The following HELQ variants were observed in gnomAD, a reference collection of about 807,000 sequenced individuals.
The protein encoded by HELQ is helicase POLQ-like.
HELQ carries 77 observed loss-of-function variants against 111.6 expected under a neutral mutation model. That is an observed-to-expected ratio of 0.69 (90% CI 0.57 to 0.83). The LOEUF (loss-of-function observed/expected upper bound fraction) is 0.83, where lower values mean the gene tolerates loss of function less well. Among genes scored for constraint, HELQ ranks in the 40% least tolerant of loss-of-function variants. HELQ has a pLI of 0.00. For synonymous variants in HELQ, 438 were observed against 454.7 expected (o/e 0.96, Z 0.47); for missense variants, 1,200 against 1,288.5 (o/e 0.93, Z 1.05).
chr4:83,416,465 C>T (rs2109966426), intron 17 of HELQ, among the ~76,000 whole-genome samples: 1 of 151,906 alleles, frequency 6.6e-6, no homozygotes, highest in East Asian at 1.9e-4. Flanking sequence ...AAGCCATCCT[C>T]CCCATCTTGA....
Position 83,447,128 on chromosome 4 carries a change from A to G in HELQ, c.1192-93T>C, listed in dbSNP as rs934930934. On this transcript the variant is annotated intron_variant, in intron 3 of 17. Transcript: ENST00000295488. The stretch of plus-strand genomic sequence containing the variant: ...CTTGGGAGGCTGAGGCGGGAAGATC[A>G]CTTGAGCCCAGGAAGGTGAGACCAG... The G allele has an allele frequency of 1.0e-5, 8 of 802,132 alleles. No individual in the cohort carries two copies. In the East Asian group the frequency reaches 2.1e-4, roughly 21 times the overall value. The allele number at this position is 802,132 out of a possible 1,614,324, so 49.7% of individuals were successfully genotyped here.
chr4:83,445,829 G>A (rs1215427677), intron 5 of HELQ, among the ~76,000 whole-genome samples, 185 bp downstream of exon 5: 1 of 152,246 alleles, frequency 6.6e-6, no homozygotes, highest in Non-Finnish European at 1.5e-5. Context: ...GATAATAATA[G>A]AGGACTTCTT....
chr4:83,442,733 T>C (rs1720842483), intron 6 of HELQ, among the ~76,000 whole-genome samples: 2 of 151,920 alleles, frequency 1.3e-5, no homozygotes, highest in South Asian at 4.2e-4. Flanking sequence ...TAATTTTTTG[T>C]AGAGACAGGG....
intron 9 of HELQ, among the ~76,000 whole-genome samples, chr4:83,435,081 T>C (rs1720379746): frequency 1.3e-5 from 2 of 152,226 alleles, no homozygotes; most frequent in Non-Finnish European, 2.9e-5. Context: ...AACTCATTTG[T>C]TGGAAAATGA....
rs1168047803 is a variant in HELQ at position 83,418,242 on chromosome 4, T to C, written c.2950-36A>G. ...CAAAGAAATATATAAAATTTAAATTTTGTAAGTTATTTCAAAGTTTGGTTT... is the reference window on the plus strand; with the variant it reads ...CAAAGAAATATATAAAATTTAAATTCTGTAAGTTATTTCAAAGTTTGGTTT... On this transcript the variant is annotated intron_variant, in intron 15 of 17. Transcript: ENST00000295488. 8.1e-6 allele frequency: 10 copies of C among 1,236,828 alleles called. No individual in the cohort carries two copies. The South Asian group carries it at 1.4e-4, about 17-fold the overall frequency. The allele number at this position is 1,236,828 out of a possible 1,614,324, so 76.6% of individuals were successfully genotyped here. A position where few individuals can be genotyped will look rare whatever the true frequency, so the allele number is the denominator to read the frequency against.
At chr4:83,419,596 TAG>T (rs1739554264) in intron 15 of HELQ, among the ~76,000 whole-genome samples, 1 of 151,444 alleles carries the variant, frequency 6.6e-6, no homozygotes, top group African/African-American at 2.4e-5. Context: ...TGATGCTTCA[TAG>T]AGTTTTTTAC....
rs984553250 is a variant in HELQ at position 83,437,998 on chromosome 4, T to C, written c.1809-901A>G. On this transcript the variant is annotated intron_variant, in intron 8 of 17. Transcript: ENST00000295488. Reference sequence around the variant, plus strand: ...AAATGAATGATTTACTGAGAATTTTTTTAATGATAATTTAATTTCCTTAAG... The same window carrying C: ...AAATGAATGATTTACTGAGAATTTTCTTAATGATAATTTAATTTCCTTAAG... Among the ~76,000 whole-genome samples the C allele has an allele frequency of 3.8e-4, 58 of 152,244 alleles. 1 individual carries two copies. The highest frequency in any genetic ancestry group is 1.3e-3 in the African/African-American group (54 of 41,470).
chr4:83,425,085 G>A (rs919350338), intron 14 of HELQ, among the ~76,000 whole-genome samples: 2 of 151,752 alleles, frequency 1.3e-5, no homozygotes, highest in African/African-American at 4.8e-5. Context: ...TTTGAGACCA[G>A]CCTGGCCAAC....
chr4:83,425,613 A>C (rs1318604890), intron 14 of HELQ, among the ~76,000 whole-genome samples: 2 of 152,202 alleles, frequency 1.3e-5, no homozygotes, highest in African/African-American at 2.4e-5. Flanking sequence ...TGAGGATGAC[A>C]AAAGCAGTAA....
chr4:83,439,856 AAC>A lies in HELQ; in HGVS notation c.1808+5_1808+6del, dbSNP rs769774061. 2.6e-5 allele frequency: 40 copies of A among 1,542,606 alleles called. No individual in the cohort carries two copies. Among genetic ancestry groups the A allele is most frequent in the Non-Finnish European group, 3.5e-5 (39 of 1,122,228 alleles). Reference sequence around the variant, plus strand: ...TAAAACAGGCTATTTAAAAAATATTAACATACTTGCTTAAAAATTTGCATATC... The same window carrying A: ...TAAAACAGGCTATTTAAAAAATATTAATACTTGCTTAAAAATTTGCATATC... On this transcript the variant is annotated splice_donor_5th_base_variant and intron_variant, in intron 8 of 17. Transcript: ENST00000295488.
At chr4:83,443,445 T>A (rs1578097337) in intron 6 of HELQ, 72 bp downstream of exon 6, 3 of 685,144 alleles carry the variant, frequency 4.4e-6, no homozygotes, top group Non-Finnish European at 7.5e-6. Flanking sequence ...TTAAATCCTA[T>A]GTTTACTACT....
At chr4:83,440,422 T>C (rs537598811) in intron 7 of HELQ, among the ~76,000 whole-genome samples, 2 of 152,222 alleles carry the variant, frequency 1.3e-5, no homozygotes, top group African/African-American at 4.8e-5. Flanking sequence ...TTTACAACCA[T>C]TAAGTTTTCA....
At chr4:83,419,474 AT>A in intron 15 of HELQ, among the ~76,000 whole-genome samples, 1 of 148,318 alleles carries the variant, frequency 6.7e-6, no homozygotes, top group East Asian at 1.9e-4. Flanking sequence ...ATATATTTAT[AT>A]TATATGTAAT....
chr4:83,431,834 T>G, intron 10 of HELQ, 66 bp from the exon 11 acceptor site: 5 of 644,382 alleles, frequency 7.8e-6, no homozygotes, highest in Non-Finnish European at 1.2e-5. Flanking sequence ...TTAATATAAA[T>G]ATTTTATACT....
At chr4:83,450,031 A>G (rs1418658958) in intron 2 of HELQ, among the ~76,000 whole-genome samples, 1 of 151,860 alleles carries the variant, frequency 6.6e-6, no homozygotes, top group Non-Finnish European at 1.5e-5. Context: ...TGGTAGTATT[A>G]CTTTTGGGAT....
At chr4:83,448,422 C>A (rs1247490309) in intron 3 of HELQ, among the ~76,000 whole-genome samples, 2 of 152,072 alleles carry the variant, frequency 1.3e-5, no homozygotes, top group African/African-American at 4.8e-5. Context: ...GTAATACCAG[C>A]ACTTTGGGAG....
intron 17 of HELQ, among the ~76,000 whole-genome samples, chr4:83,408,950 C>T (rs753792933): frequency 3.9e-5 from 6 of 151,990 alleles, no homozygotes; most frequent in African/African-American, 1.2e-4. Flanking sequence ...AGGCAGTCTT[C>T]GAAAGGCAAT....
intron 13 of HELQ, among the ~76,000 whole-genome samples, chr4:83,426,718 C>G (rs1719872349): frequency 6.6e-6 from 1 of 152,076 alleles, no homozygotes; most frequent in Non-Finnish European, 1.5e-5. Flanking sequence ...TGTGCGCCAC[C>G]ATGACCAACT....
At position 83,427,629 on chromosome 4, in the gene HELQ, G is replaced by A. The variant is rs757418316; in HGVS notation, c.2610C>T (p.Ile870=). ...GLVLESLLHL[I]YLTTPYDLVS... ...CCAGATCATAGGGGGTTGTTAGGTA[G>A]ATTAGATGAAGAAGGCTTTCAAGCA... Residue 870 remains isoleucine (I), a synonymous_variant, in exon 13 of 18, where the codon ATC becomes ATT. Coordinates refer to ENST00000295488, the MANE Select transcript of HELQ (RefSeq NM_133636.5). The A allele has an allele frequency of 1.2e-6, 2 of 1,606,964 alleles. No individual in the cohort carries two copies. Among genetic ancestry groups the A allele is most frequent in the Non-Finnish European group, 1.7e-6 (2 of 1,176,878 alleles).
Sources: allele counts gnomAD v4.1 joint callset (sites outside exome capture counted in the v4.1 genomes callset), GRCh38; gene constraint gnomAD v4.1.1; transcripts MANE v1.5; gene names NCBI Gene and HGNC (gene_info 2026-07-23, HGNC 2026-07-21).